The following ZFR2 variants were observed in gnomAD, a reference collection of about 807,000 sequenced individuals.
ZFR2 encodes zinc finger RNA-binding protein 2.
A neutral mutation model predicts 105.7 loss-of-function variants in ZFR2; 104 were observed. The ratio of observed to expected loss-of-function variants is 0.98; its 90% CI spans 0.84 to 1.16. The LOEUF is 1.16. Ranked by LOEUF, ZFR2 falls within the 50% of genes most tolerant of loss-of-function variation. ZFR2 has a pLI of 0.00. For missense variants in ZFR2, 1,425 were observed against 1,355.5 expected (o/e 1.05, Z -0.80); for synonymous variants, 634 against 597.7 (o/e 1.06, Z -0.89).
intron 13 of ZFR2, among the ~76,000 whole-genome samples, chr19:3,814,539 G>A (rs186461888): frequency 6.6e-6 from 1 of 152,216 alleles, no homozygotes; most frequent in East Asian, 1.9e-4. Context: ...CCCTTCTCAG[G>A]GCCTCCCTGC....
At chr19:3,827,178 G>GT (rs1259339204) in intron 6 of ZFR2, among the ~76,000 whole-genome samples, 1 of 152,196 alleles carries the variant, frequency 6.6e-6, no homozygotes, top group Non-Finnish European at 1.5e-5. Flanking sequence ...GGAGGCAGAG[G>GT]TTGCAGTGAG....
intron 1 of ZFR2, among the ~76,000 whole-genome samples, chr19:3,843,164 C>A (rs1191410384): frequency 6.6e-6 from 1 of 152,196 alleles, no homozygotes; most frequent in Non-Finnish European, 1.5e-5. Flanking sequence ...TAGGAGCAAC[C>A]CAACCGTCCA....
rs2037683373 is a variant in ZFR2, at chr19:3,805,193, C to T, written c.*756G>A. 1 of 151,748 alleles carries T rather than the reference C, an allele frequency of 6.6e-6. No individual in the cohort carries two copies. The allele number at this position is 151,748 out of a possible 1,614,324, so 9.4% of individuals were successfully genotyped here. On this transcript the variant is annotated 3_prime_UTR_variant, in exon 19 of 19. Transcript: ENST00000262961. The stretch of plus-strand genomic sequence containing the variant: ...AGCCCAGAGGAAGTATTTTAAAACC[C>T]CTTCCTGTACCACGAGGTGAGTTTA...
At chr19:3,868,397 C>T (rs1179826201) in intron 1 of ZFR2, among the ~76,000 whole-genome samples, 3 of 151,514 alleles carry the variant, frequency 2.0e-5, no homozygotes, top group Non-Finnish European at 2.9e-5. Context: ...GTCAATGCCC[C>T]TCTGCCCTTC....
intron 1 of ZFR2, among the ~76,000 whole-genome samples, chr19:3,844,013 TG>T (rs778178853): frequency 2.9e-5 from 1 of 34,748 alleles, no homozygotes; most frequent in Non-Finnish European, 4.7e-5. Flanking sequence ...AAGTAGGATG[TG>T]GGGGGGGGGG....
At chr19:3,859,609 G>A (rs931706480) in intron 1 of ZFR2, among the ~76,000 whole-genome samples, 1 of 152,234 alleles carries the variant, frequency 6.6e-6, no homozygotes, top group Non-Finnish European at 1.5e-5. Flanking sequence ...TGCGTGCAGC[G>A]TGAGCCACAC....
At chr19:3,842,172 C>T (rs1156451755) in intron 1 of ZFR2, among the ~76,000 whole-genome samples, 1 of 151,920 alleles carries the variant, frequency 6.6e-6, no homozygotes, top group East Asian at 1.9e-4. Context: ...ACCACCATGC[C>T]TAGCTAATTT....
At chr19:3,841,252 G>A (rs147893200) in intron 1 of ZFR2, among the ~76,000 whole-genome samples, 19 of 152,360 alleles carry the variant, frequency 1.2e-4, no homozygotes, top group East Asian at 7.7e-4. Context: ...GAACACGGCC[G>A]GCAACGGGTC....
chr19:3,850,644 G>A (rs964117566), intron 1 of ZFR2, among the ~76,000 whole-genome samples: 2 of 151,936 alleles, frequency 1.3e-5, no homozygotes, highest in African/African-American at 4.8e-5. Context: ...CACTTTGGGA[G>A]GCTGAGGCAG....
chr19:3,835,041 C>T, intron 1 of ZFR2, 58 bp from the exon 2 acceptor site: 2 of 1,541,666 alleles, frequency 1.3e-6, no homozygotes, highest in Non-Finnish European at 1.7e-6. Flanking sequence ...CTCAGGTGCA[C>T]TGAGTTGACG....
intron 1 of ZFR2, among the ~76,000 whole-genome samples, chr19:3,847,624 G>A (rs777448646): frequency 3.3e-5 from 5 of 152,118 alleles, no homozygotes; most frequent in Non-Finnish European, 5.9e-5. Context: ...GCGAATCACC[G>A]AATCCGACCT....
intron 17 of ZFR2, among the ~76,000 whole-genome samples, chr19:3,808,148 T>C (rs1303581498): frequency 6.7e-6 from 1 of 149,316 alleles, no homozygotes; most frequent in Non-Finnish European, 1.5e-5. Context: ...TGTGCCCGTG[T>C]GTGCAAGTAT....
At chr19:3,855,856 G>C (rs537295179) in intron 1 of ZFR2, among the ~76,000 whole-genome samples, 2 of 152,266 alleles carry the variant, frequency 1.3e-5, no homozygotes, top group South Asian at 2.1e-4. Context: ...AGGGGAGATG[G>C]GGTCAGAGAA....
chr19:3,856,044 G>A (rs2038296669), intron 1 of ZFR2, among the ~76,000 whole-genome samples: 1 of 152,226 alleles, frequency 6.6e-6, no homozygotes, highest in Admixed American at 6.5e-5. Context: ...GAGAGCAGAA[G>A]GAAGCGTGAA....
intron 1 of ZFR2, among the ~76,000 whole-genome samples, chr19:3,861,268 A>G (rs2038370459): frequency 6.6e-6 from 1 of 152,256 alleles, no homozygotes; most frequent in Admixed American, 6.5e-5. Flanking sequence ...CACCAAAAAA[A>G]GAAGTGTCAT....
At chr19:3,844,010 A>ATG (rs1555757796) in intron 1 of ZFR2, among the ~76,000 whole-genome samples, 22 of 1,142 alleles carry the variant, frequency 0.019, no homozygotes, top group African/African-American at 0.079. Flanking sequence ...AGAAAGTAGG[A>ATG]TGTGGGGGGG....
intron 11 of ZFR2, among the ~76,000 whole-genome samples, chr19:3,819,575 C>T (rs879553643): frequency 4.1e-4 from 62 of 152,306 alleles, no homozygotes; most frequent in Middle Eastern, 3.4e-3. Context: ...CCATTGAGGC[C>T]GGGCGCGGTG....
chr19:3,849,467 G>A (rs1272095423), intron 1 of ZFR2, among the ~76,000 whole-genome samples: 2 of 152,006 alleles, frequency 1.3e-5, no homozygotes, highest in Non-Finnish European at 2.9e-5. Context: ...GGGTGGGGCC[G>A]TTCTGGGCCC....
At chr19:3,810,997 A>G (rs1052239082) in intron 15 of ZFR2, among the ~76,000 whole-genome samples, 152 bp from the exon 16 acceptor site, 1 of 152,104 alleles carries the variant, frequency 6.6e-6, no homozygotes, top group Admixed American at 6.5e-5. Context: ...CCACTCCCAC[A>G]TGAGCCCGGT....
Sources: allele counts gnomAD v4.1 joint callset (sites outside exome capture counted in the v4.1 genomes callset), GRCh38; gene constraint gnomAD v4.1.1; transcripts MANE v1.5; gene names NCBI Gene and HGNC (gene_info 2026-07-23, HGNC 2026-07-21).